The following AQR variants were observed in gnomAD, a reference collection of about 807,000 sequenced individuals.
The protein encoded by AQR is aquarius intron-binding spliceosomal factor, also known as RNA helicase aquarius.
Under a neutral mutation model 180.5 loss-of-function variants are expected in AQR, and 61 were observed. The observed-to-expected ratio is 0.34, with a 90% CI of 0.28 to 0.42. The LOEUF is 0.42. AQR is among the 10% of genes least tolerant of loss of function. The pLI, the probability that AQR is intolerant of heterozygous loss-of-function variation, is 1.00. For synonymous variants in AQR, 551 were observed against 588.8 expected (o/e 0.94, Z 0.93); for missense variants, 1,281 against 1,798.3 (o/e 0.71, Z 5.20).
chr15:34,880,411 G>A (rs1169849024), intron 27 of AQR, among the ~76,000 whole-genome samples: 1 of 152,184 alleles, frequency 6.6e-6, no homozygotes, highest in African/African-American at 2.4e-5. Flanking sequence ...AAATAGGTCA[G>A]GAGTATCTAG....
chr15:34,942,988 TA>T, intron 6 of AQR: 2 of 1,402,006 alleles, frequency 1.4e-6, no homozygotes, highest in Non-Finnish European at 2.0e-6. Flanking sequence ...TAGTTTCTGA[TA>T]AAAAAATCAC....
intron 2 of AQR, 67 bp downstream of exon 2, chr15:34,964,167 T>A (rs1250281550): frequency 3.7e-6 from 4 of 1,091,962 alleles, no homozygotes; most frequent in Non-Finnish European, 5.4e-6. Flanking sequence ...TGGAAAGCTT[T>A]TGTTGAAATA....
intron 14 of AQR, among the ~76,000 whole-genome samples, chr15:34,919,904 A>G (rs1019005282): frequency 6.6e-6 from 1 of 152,148 alleles, no homozygotes; most frequent in East Asian, 1.9e-4. Context: ...TATCAAAAAA[A>G]CAAAACAAAC....
At chr15:34,866,066 T>C (rs1045278009) in intron 32 of AQR, among the ~76,000 whole-genome samples, 1 of 152,156 alleles carries the variant, frequency 6.6e-6, no homozygotes, top group Admixed American at 6.6e-5. Flanking sequence ...AACTCAATAA[T>C]GTTATCAAAA....
At position 34,879,918 on chromosome 15, in the gene AQR, C is replaced by CT. The variant is rs572095427; in HGVS notation, c.3165+2583dup. Among the ~76,000 whole-genome samples the CT allele has an allele frequency of 1.3e-4, 20 of 152,230 alleles. No homozygotes were observed. The South Asian group carries it at 3.9e-3, about 30-fold the overall frequency. On this transcript the variant is annotated intron_variant, in intron 27 of 34. Coordinates refer to ENST00000156471, the MANE Select transcript of AQR (RefSeq NM_014691.3). ...AAACTGAATGTGGAGAAGTCTGGCT[C>CT]TCTTTCTCCATCCATCTCCCACAAC...
intron 17 of AQR, among the ~76,000 whole-genome samples, chr15:34,908,392 T>C (rs964046703): frequency 1.3e-5 from 2 of 152,026 alleles, no homozygotes; most frequent in African/African-American, 2.4e-5. Flanking sequence ...GCCGAGATTG[T>C]GCCACTGCCC....
chr15:34,867,432 TA>T, intron 32 of AQR, 91 bp downstream of exon 32: 2 of 1,137,768 alleles, frequency 1.8e-6, no homozygotes, highest in Non-Finnish European at 2.6e-6. Context: ...AGTTTAAACT[TA>T]AAAAATATTT....
intron 17 of AQR, among the ~76,000 whole-genome samples, chr15:34,907,836 C>CT (rs1263005232): frequency 6.6e-6 from 1 of 152,322 alleles, no homozygotes; most frequent in African/African-American, 2.4e-5. Flanking sequence ...CATTTATCCT[C>CT]TCCCAAGATA....
At chr15:34,949,186 G>C (rs1012797137) in intron 4 of AQR, among the ~76,000 whole-genome samples, 2 of 151,732 alleles carry the variant, frequency 1.3e-5, no homozygotes, top group African/African-American at 2.4e-5. Context: ...TAGAGACGGG[G>C]TTTCTCCATG....
chr15:34,886,751 AAAG>A, intron 24 of AQR, 90 bp from the exon 25 acceptor site: 5 of 1,306,286 alleles, frequency 3.8e-6, no homozygotes, highest in South Asian at 1.5e-5. Context: ...TCATAATAGC[AAAG>A]AAGAGGAAAA....
intron 19 of AQR, among the ~76,000 whole-genome samples, chr15:34,902,028 T>C (rs1004344617): frequency 2.0e-5 from 3 of 152,158 alleles, no homozygotes; most frequent in African/African-American, 7.2e-5. Context: ...CAAAATACAG[T>C]GGGAACAAAG....
intron 24 of AQR, among the ~76,000 whole-genome samples, chr15:34,888,664 T>A (rs1175436012): frequency 6.6e-6 from 1 of 151,720 alleles, no homozygotes; most frequent in African/African-American, 2.4e-5. Context: ...GCCACTGCAC[T>A]CCAGCCTGGG....
chr15:34,957,282 G>A (rs192431455), intron 3 of AQR, among the ~76,000 whole-genome samples: 4 of 151,934 alleles, frequency 2.6e-5, no homozygotes, highest in African/African-American at 7.3e-5. Flanking sequence ...TCAGTCTCTC[G>A]AGTAGCTGGG....
Position 34,906,693 on chromosome 15 carries a change from T to C in AQR, c.1683A>G (p.Val561=), listed in dbSNP as rs773220093. 50 of 1,613,324 alleles carry C rather than the reference T, an allele frequency of 3.1e-5. No individual in the cohort carries two copies. Among genetic ancestry groups the C allele is most frequent in the Non-Finnish European group, 4.0e-5 (47 of 1,179,750 alleles). The change falls in exon 18 of 35, where the codon GTA becomes GTG. Residue 561 remains valine, a synonymous_variant. Transcript: ENST00000156471. ...DEWEGLRKHD[V]CFLITVRPTK... ...TGGGACGTACGGTAATTAAAAAGCA[T>C]ACATCATGCTTACGAAGACCTGGTA... is the stretch of plus-strand genomic sequence containing the variant.
chr15:34,881,449 C>T (rs77626799), intron 27 of AQR, among the ~76,000 whole-genome samples: 9,284 of 152,248 alleles, frequency 0.061, 326 homozygotes, highest in Middle Eastern at 0.092. Context: ...ATATACAGAA[C>T]TCTGTTTTAA....
rs764630106 is a variant in AQR at position 34,904,384 on chromosome 15, T to C, written c.1953A>G (p.Glu651=). 3 of 1,607,994 alleles carry C rather than the reference T, an allele frequency of 1.9e-6. No homozygotes were observed. In the African/African-American group the frequency reaches 4.0e-5, roughly 22 times the overall value. The part of the protein sequence containing the change: ...TIQNGAEDVY[E]TFNIIMRRKP... ...TTCTCCTCATTATTATATTAAAAGT[T>C]TCATACACATCCTCTGCTCCATTTT... Residue 651 remains glutamate, a synonymous_variant, in exon 19 of 35, where the codon GAA becomes GAG. Transcript: ENST00000156471.
rs1364266755 is a variant in AQR, at chr15:34,932,955, GAAAA to G, written c.784-525_784-522del. Among the ~76,000 whole-genome samples the G allele has an allele frequency of 4.7e-5, 7 of 150,334 alleles. No individual in the cohort carries two copies. In the South Asian group the frequency reaches 1.5e-3, roughly 31 times the overall value. ...TGGATTACAGAGCAAGACTGTCTCA[GAAAA>G]AAAAAGAAAGAAAGAAAATCTAGCA... On this transcript the variant is annotated intron_variant, in intron 10 of 34. Transcript: ENST00000156471.
chr15:34,960,637 T>G, intron 3 of AQR, 137 bp downstream of exon 3: 2 of 485,508 alleles, frequency 4.1e-6, no homozygotes. Context: ...GCACCTAAAG[T>G]TTTTCTAGTC....
chr15:34,965,600 G>A (rs1345009339), intron 1 of AQR, among the ~76,000 whole-genome samples: 1 of 152,152 alleles, frequency 6.6e-6, no homozygotes, highest in Non-Finnish European at 1.5e-5. Flanking sequence ...GAACCTGGGA[G>A]GTGGAGATTG....
Sources: allele counts gnomAD v4.1 joint callset (sites outside exome capture counted in the v4.1 genomes callset), GRCh38; gene constraint gnomAD v4.1.1; transcripts MANE v1.5; gene names NCBI Gene and HGNC (gene_info 2026-07-23, HGNC 2026-07-21).